ARHGEF6: variants seen among roughly 807,000 people sequenced by gnomAD.
ARHGEF6 encodes the protein rho guanine nucleotide exchange factor 6.
Under a neutral mutation model 70.3 loss-of-function variants are expected in ARHGEF6, and 9 were observed. The ratio of observed to expected loss-of-function variants is 0.13; its 90% CI spans 0.08 to 0.22. The LOEUF (loss-of-function observed/expected upper bound fraction) is 0.22. ARHGEF6 is among the 10% of genes least tolerant of loss of function. The probability of loss-of-function intolerance (pLI) is 1.00; values close to 1 mark genes in which losing one functional copy is unlikely to be tolerated. For missense variants in ARHGEF6, 470 were observed against 563.0 expected (o/e 0.83, Z 1.67); for synonymous variants, 201 against 207.8 (o/e 0.97, Z 0.28).
intron 10 of ARHGEF6, among the ~76,000 whole-genome samples, chrX:136,689,828 C>T (rs2076440827): frequency 9.0e-6 from 1 of 111,458 alleles, no homozygotes; most frequent in Non-Finnish European, 1.9e-5. Context: ...CTCCCACCCA[C>T]ACTTAAATCC....
rs780618249 is a variant in ARHGEF6, at chrX:136,687,894, T to C, written c.1245+38A>G. The C allele has an allele frequency of 2.4e-5, 27 of 1,133,893 alleles. No homozygotes were observed. The Admixed American group carries it at 5.2e-4, about 22-fold the overall frequency. 93.4% of individuals were successfully genotyped at this position (1,133,893 alleles called of 1,213,427 possible). ...AAATCGCTCTTTCAGGAATAAAGTA[T>C]ACAAAATGGAGAATTGTGATTTTAA... On this transcript the variant is annotated intron_variant, in intron 11 of 21. Transcript: ENST00000250617.
intron 2 of ARHGEF6, chrX:136,767,838 GAGC>G (rs57856447): frequency 0.26 from 168,530 of 652,347 alleles, 17,905 homozygotes; most frequent in African/African-American, 0.55. Flanking sequence ...GGCGCAGGCA[GAGC>G]AGCAGCAGCA....
intron 2 of ARHGEF6, among the ~76,000 whole-genome samples, chrX:136,754,600 C>T (rs1173910507): frequency 1.1e-5 from 1 of 92,459 alleles, no homozygotes; most frequent in African/African-American, 4.2e-5. Context: ...AAAAAAACAA[C>T]GAAAGAAAAG....
chrX:136,686,586 A>ATG (rs201537752), intron 11 of ARHGEF6, among the ~76,000 whole-genome samples: 86 of 70,397 alleles, frequency 1.2e-3, no homozygotes, highest in African/African-American at 3.2e-3. Flanking sequence ...ATGTGTGTGT[A>ATG]TGTGTGTGTA....
At chrX:136,743,017 A>G (rs1471297855) in intron 5 of ARHGEF6, among the ~76,000 whole-genome samples, 1 of 111,718 alleles carries the variant, frequency 9.0e-6, no homozygotes, top group Non-Finnish European at 1.9e-5. Context: ...AAGACTACTG[A>G]AGAGCAATTC....
chrX:136,745,839 G>A (rs762028261), intron 3 of ARHGEF6, among the ~76,000 whole-genome samples: 1 of 111,917 alleles, frequency 8.9e-6, no homozygotes, highest in African/African-American at 3.3e-5. Flanking sequence ...TGGAGAATGA[G>A]AGTGAAAGAG....
At chrX:136,710,330 C>CATATATATATATATATAT (rs59532724) in intron 7 of ARHGEF6, among the ~76,000 whole-genome samples, 11 of 87,556 alleles carry the variant, frequency 1.3e-4, no homozygotes, top group East Asian at 1.2e-3. Flanking sequence ...ATATATTATA[C>CATATATATATATATATAT]ATATATATAT....
At chrX:136,671,860 CCCTCT>C (rs1273864808) in intron 20 of ARHGEF6, among the ~76,000 whole-genome samples, 155 bp downstream of exon 20, 1 of 111,908 alleles carries the variant, frequency 8.9e-6, no homozygotes, top group Non-Finnish European at 1.9e-5. Flanking sequence ...TAGTGGGCAG[CCCTCT>C]AAAGTCTCCC....
intron 5 of ARHGEF6, among the ~76,000 whole-genome samples, chrX:136,742,116 C>G (rs1039648003): frequency 5.4e-5 from 6 of 110,985 alleles, no homozygotes; most frequent in African/African-American, 2.0e-4. Flanking sequence ...GTCAGGAGAT[C>G]AAGACCATCC....
chrX:136,731,968 C>T (rs951319207), intron 6 of ARHGEF6, 134 bp downstream of exon 6: 54 of 483,668 alleles, frequency 1.1e-4, no homozygotes, highest in Admixed American at 7.8e-4. Flanking sequence ...CACTGTAATG[C>T]GAATGGCATT....
At chrX:136,691,752 T>C (rs1198429548) in intron 9 of ARHGEF6, among the ~76,000 whole-genome samples, 2 of 111,718 alleles carry the variant, frequency 1.8e-5, no homozygotes, top group East Asian at 5.6e-4. Flanking sequence ...CCAACTGTTT[T>C]CCTGGCTTCC....
intron 19 of ARHGEF6, 42 bp from the exon 20 acceptor site, chrX:136,672,161 C>T: frequency 1.0e-6 from 1 of 999,741 alleles, no homozygotes; most frequent in South Asian, 1.9e-5. Context: ...GGGAGAGTTA[C>T]TAGTGAAGAG....
chrX:136,713,438 T>C, intron 6 of ARHGEF6, 68 bp from the exon 7 acceptor site: 1 of 807,876 alleles, frequency 1.2e-6, no homozygotes, highest in Admixed American at 2.3e-5. Context: ...GCTTTGATCT[T>C]TTAACCAAAT....
intron 6 of ARHGEF6, among the ~76,000 whole-genome samples, chrX:136,717,765 C>T (rs765910024): frequency 4.5e-5 from 5 of 110,752 alleles, no homozygotes; most frequent in African/African-American, 1.6e-4. Flanking sequence ...GCACTACCTG[C>T]GAATATAGTA....
intron 9 of ARHGEF6, among the ~76,000 whole-genome samples, chrX:136,698,807 A>G (rs1467544533): frequency 8.9e-6 from 1 of 112,617 alleles, no homozygotes; most frequent in Non-Finnish European, 1.9e-5. Context: ...TTAAATTCAC[A>G]TATTAAAACA....
intron 6 of ARHGEF6, among the ~76,000 whole-genome samples, chrX:136,714,794 C>T (rs996145182): frequency 1.8e-5 from 2 of 111,575 alleles, no homozygotes; most frequent in African/African-American, 3.3e-5. Context: ...CAGTTTAAAA[C>T]TTTGCTTACA....
intron 2 of ARHGEF6, 82 bp downstream of exon 2, chrX:136,779,332 T>A (rs1021437975): frequency 3.3e-6 from 3 of 922,123 alleles, no homozygotes; most frequent in African/African-American, 3.9e-5. Context: ...ACAGTGAAAA[T>A]AAACAAGTAC....
chrX:136,756,010 T>C (rs1415120295), intron 2 of ARHGEF6, among the ~76,000 whole-genome samples: 1 of 111,515 alleles, frequency 9.0e-6, no homozygotes, highest in Non-Finnish European at 1.9e-5. Flanking sequence ...GGATCCTCAG[T>C]GTCTAGAAGA....
At chrX:136,708,480 A>C (rs1242019286) in intron 8 of ARHGEF6, among the ~76,000 whole-genome samples, 195 bp downstream of exon 8, 1 of 111,830 alleles carries the variant, frequency 8.9e-6, no homozygotes, top group East Asian at 2.8e-4. Flanking sequence ...CAAGATATAG[A>C]CTTCTAATAT....
Sources: gnomAD v4.1 joint callset for allele counts (sites outside exome capture counted in the v4.1 genomes callset) on GRCh38, gnomAD v4.1.1 for gene constraint, MANE v1.5 for transcripts, NCBI Gene and HGNC (gene_info 2026-07-23, HGNC 2026-07-21) for gene names.